The following RHBDD1 variants were observed in gnomAD, a reference collection of about 807,000 sequenced individuals.
The protein encoded by RHBDD1 is rhomboid domain containing 1.
RHBDD1 carries 38 observed loss-of-function variants against 36.3 expected under a neutral mutation model. The observed-to-expected ratio is 1.05, with a 90% CI of 0.81 to 1.37. RHBDD1 has a LOEUF of 1.37. RHBDD1 is among the 40% of genes most tolerant of loss of function. RHBDD1 has a pLI of 0.00. For synonymous variants in RHBDD1, 151 were observed against 136.5 expected, an observed-to-expected ratio of 1.11 and a Z score of -0.74; for missense variants, 393 against 377.6, an observed-to-expected ratio of 1.04 and a Z score of -0.34.
chr2:226,961,147 A>G (rs1279404185), intron 8 of RHBDD1, among the ~76,000 whole-genome samples: 2 of 152,198 alleles, frequency 1.3e-5, no homozygotes, highest in Admixed American at 1.3e-4. Flanking sequence ...TCAACATGGC[A>G]TGGGCTTTGC....
At chr2:226,930,205 G>T (rs958132423) in intron 8 of RHBDD1, among the ~76,000 whole-genome samples, 1 of 151,762 alleles carries the variant, frequency 6.6e-6, no homozygotes, top group Non-Finnish European at 1.5e-5. Flanking sequence ...TGCCAAAGCA[G>T]TCCGAAGCAA....
chr2:226,850,921 C>T (rs942342514), intron 3 of RHBDD1, among the ~76,000 whole-genome samples: 20 of 152,104 alleles, frequency 1.3e-4, no homozygotes, highest in African/African-American at 4.1e-4. Context: ...AACTCTATTA[C>T]GTGTGTTTTT....
intron 6 of RHBDD1, 183 bp from the exon 7 acceptor site, chr2:226,908,639 A>ACG (rs1948258637): frequency 2.1e-6 from 1 of 484,402 alleles, no homozygotes; most frequent in Non-Finnish European, 3.6e-6. Flanking sequence ...CCCTGTAGGG[A>ACG]CACACACACA....
chr2:226,949,073 G>A (rs1228919583), intron 8 of RHBDD1, among the ~76,000 whole-genome samples: 1 of 152,180 alleles, frequency 6.6e-6, no homozygotes, highest in Non-Finnish European at 1.5e-5. Context: ...ACTTACAAGG[G>A]ATGTGAAGGA....
intron 5 of RHBDD1, among the ~76,000 whole-genome samples, chr2:226,874,015 G>A (rs1574903309): frequency 6.6e-6 from 1 of 152,104 alleles, no homozygotes; most frequent in Non-Finnish European, 1.5e-5. Context: ...CCTACATGGT[G>A]GCAGGTGTAA....
chr2:226,965,841 AC>A (rs1219779392), intron 8 of RHBDD1, among the ~76,000 whole-genome samples: 1 of 152,104 alleles, frequency 6.6e-6, no homozygotes, highest in Non-Finnish European at 1.5e-5. Flanking sequence ...GAGAGGACTT[AC>A]AGCATAGTCC....
chr2:226,862,106 G>T (rs949109570), intron 3 of RHBDD1, among the ~76,000 whole-genome samples: 2 of 152,120 alleles, frequency 1.3e-5, no homozygotes, highest in Non-Finnish European at 2.9e-5. Context: ...CCATATGGGG[G>T]CATAGGAGTA....
intron 5 of RHBDD1, among the ~76,000 whole-genome samples, chr2:226,902,262 T>C (rs1337203570): frequency 6.6e-6 from 1 of 152,216 alleles, no homozygotes; most frequent in Non-Finnish European, 1.5e-5. Context: ...GTAACAATAC[T>C]GTCTGGTTTT....
intron 3 of RHBDD1, among the ~76,000 whole-genome samples, chr2:226,841,375 C>T (rs1941617211): frequency 6.6e-6 from 1 of 152,040 alleles, no homozygotes; most frequent in African/African-American, 2.4e-5. Flanking sequence ...TAAACATGTG[C>T]CATGGTGGTT....
intron 8 of RHBDD1, among the ~76,000 whole-genome samples, chr2:226,946,718 C>T (rs961321259): frequency 1.3e-5 from 2 of 152,124 alleles, no homozygotes; most frequent in African/African-American, 4.8e-5. Flanking sequence ...TACTTCCAAG[C>T]AAATAAACTA....
chr2:226,921,866 A>T (rs1037493144), intron 8 of RHBDD1, among the ~76,000 whole-genome samples: 6 of 152,154 alleles, frequency 3.9e-5, no homozygotes, highest in Non-Finnish European at 8.8e-5. Flanking sequence ...TCTATAGTGC[A>T]GATTAAGTGT....
chr2:226,972,161 G>A (rs1180608491), intron 8 of RHBDD1, among the ~76,000 whole-genome samples: 1 of 152,086 alleles, frequency 6.6e-6, no homozygotes, highest in Non-Finnish European at 1.5e-5. Flanking sequence ...TCCCACTTAC[G>A]AGTGAGAACA....
chr2:226,947,329 A>T (rs1575202190), intron 8 of RHBDD1, among the ~76,000 whole-genome samples: 1 of 151,916 alleles, frequency 6.6e-6, no homozygotes, highest in African/African-American at 2.4e-5. Flanking sequence ...ATGGCTAGCC[A>T]GTTTTCCCAG....
intron 8 of RHBDD1, among the ~76,000 whole-genome samples, chr2:226,927,765 C>T (rs1442658521): frequency 6.6e-6 from 1 of 151,986 alleles, no homozygotes; most frequent in East Asian, 1.9e-4. Flanking sequence ...GCTGAAGTTT[C>T]TGTTCCATTA....
At chr2:226,838,533 G>A (rs1419949754) in intron 2 of RHBDD1, among the ~76,000 whole-genome samples, 1 of 152,066 alleles carries the variant, frequency 6.6e-6, no homozygotes, top group Non-Finnish European at 1.5e-5. Flanking sequence ...GCTACTTCAG[G>A]CCATTGAATT....
intron 8 of RHBDD1, among the ~76,000 whole-genome samples, chr2:226,948,237 A>G (rs1362919336): frequency 9.5e-5 from 14 of 148,024 alleles, no homozygotes; most frequent in African/African-American, 3.0e-4. Context: ...CTATGCAGCC[A>G]TAAAAAATGA....
At chr2:226,885,282 A>T (rs1434403570) in intron 5 of RHBDD1, among the ~76,000 whole-genome samples, 1 of 152,184 alleles carries the variant, frequency 6.6e-6, no homozygotes, top group East Asian at 1.9e-4. Context: ...GTGTATCAAG[A>T]TTTGTAAAAA....
At chr2:226,853,556 T>G (rs1943042040) in intron 3 of RHBDD1, among the ~76,000 whole-genome samples, 1 of 152,242 alleles carries the variant, frequency 6.6e-6, no homozygotes, top group South Asian at 2.1e-4. Context: ...GAGCTGAGTT[T>G]GAGTCCTTAT....
chr2:226,902,603 G>GT (rs1947688693), intron 5 of RHBDD1, among the ~76,000 whole-genome samples: 1 of 152,120 alleles, frequency 6.6e-6, no homozygotes, highest in African/African-American at 2.4e-5. Context: ...TCATTCTCCT[G>GT]TTTTTTTATG....
Sources: gnomAD v4.1 joint callset for allele counts (sites outside exome capture counted in the v4.1 genomes callset) on GRCh38, gnomAD v4.1.1 for gene constraint, MANE v1.5 for transcripts, NCBI Gene and HGNC (gene_info 2026-07-23, HGNC 2026-07-21) for gene names.